CAPN2: variants seen among roughly 807,000 people sequenced by gnomAD.
CAPN2 encodes calpain 2.
A neutral mutation model predicts 102.3 loss-of-function variants in CAPN2; 92 were observed. The observed-to-expected ratio is 0.90, with a 90% CI of 0.76 to 1.07. The LOEUF is 1.07. CAPN2 is among the 50% of genes least tolerant of loss of function. CAPN2 has a pLI of 0.00. For missense variants in CAPN2, 800 were observed against 909.4 expected, an observed-to-expected ratio of 0.88 and a Z score of 1.55; for synonymous variants, 340 against 355.4, an observed-to-expected ratio of 0.96 and a Z score of 0.49.
Position 223,751,007 on chromosome 1 carries a change from CG to C in CAPN2, c.899+37del, listed in dbSNP as rs1241509213. ...AGGGCGCAGGCCTCGGGGCCCCAGG[CG>C]GGGGTGCATTGTGCTGGGAGGCTCT... On this transcript the variant is annotated intron_variant, in intron 7 of 20. Coordinates refer to ENST00000295006, the MANE Select transcript of CAPN2 (RefSeq NM_001748.5). The C allele has an allele frequency of 3.3e-6, 5 of 1,513,788 alleles. No homozygotes were observed. In the East Asian group the frequency reaches 1.2e-4, roughly 37 times the overall value. 93.8% of individuals were successfully genotyped at this position (1,513,788 alleles called of 1,614,324 possible).
upstream of CAPN2, among the ~76,000 whole-genome samples, chr1:223,710,048 G>A (rs1659697679): frequency 6.6e-6 from 1 of 152,136 alleles, no homozygotes; most frequent in South Asian, 2.1e-4. Context: ...GCTGAGGCAG[G>A]CGGATCACCT....
Position 223,725,639 on chromosome 1 carries a change from A to C in CAPN2, c.307+7808A>C, listed in dbSNP as rs760684919. ...TAGCACTTGACATTGGCGGCCACCT[A>C]AGTTTTGGAGAGGGGTATGACAGAG... On this transcript the variant is annotated intron_variant, in intron 2 of 20. Coordinates refer to ENST00000295006, the MANE Select transcript of CAPN2 (RefSeq NM_001748.5). The surrounding 1 kb of genome is among the most constrained non-coding windows in gnomAD (Gnocchi z 4.1). Among the ~76,000 whole-genome samples, 2 of 152,086 alleles carry C rather than the reference A, an allele frequency of 1.3e-5. No individual in the cohort carries two copies. The highest frequency in any genetic ancestry group is 2.9e-5 in the Non-Finnish European group (2 of 68,008).
At chr1:223,741,141 T>A (rs1162202827) in intron 2 of CAPN2, among the ~76,000 whole-genome samples, 1 of 152,098 alleles carries the variant, frequency 6.6e-6, no homozygotes, top group Non-Finnish European at 1.5e-5. Context: ...AGCCTTTGTG[T>A]AATCATTGTG....
chr1:223,719,402 G>C (rs1042577964), intron 2 of CAPN2, among the ~76,000 whole-genome samples: 2 of 152,096 alleles, frequency 1.3e-5, no homozygotes, highest in Admixed American at 6.6e-5. Flanking sequence ...AGCTGGACGT[G>C]GTGGTGGGTG....
intron 1 of CAPN2, among the ~76,000 whole-genome samples, chr1:223,707,276 ATCTC>A (rs1366943851): frequency 6.8e-6 from 1 of 146,190 alleles, no homozygotes; most frequent in African/African-American, 2.5e-5. Flanking sequence ...CTCTCTTTCT[ATCTC>A]TCTCTCTCAC....
rs1193898287 is a variant in CAPN2 at position 223,705,745 on chromosome 1, A to G, written c.3+3914A>G. 4.6e-5 allele frequency among the ~76,000 whole-genome samples: 7 copies of G among 152,294 alleles called. No individual in the cohort carries two copies. In the East Asian group the frequency reaches 1.4e-3, roughly 29 times the overall value. On this transcript the variant is annotated intron_variant, in intron 1 of 20. Transcript: ENST00000433674. ...TGTTCCCTACAACAGGAAGCGTGAA[A>G]ACAGGATTTGCTGCCACATGTCAAG...
At position 223,756,993 on chromosome 1, in the gene CAPN2, A is replaced by G. The variant is rs1173738920; in HGVS notation, c.1306-376A>G. Among the ~76,000 whole-genome samples, 1 of 152,200 alleles carries G rather than the reference A, an allele frequency of 6.6e-6. No individual in the cohort carries two copies. Among genetic ancestry groups the G allele is most frequent in the Admixed American group, 6.5e-5 (1 of 15,282 alleles). On this transcript the variant is annotated intron_variant, in intron 10 of 20. Transcript: ENST00000295006. The surrounding 1 kb of genome is among the most constrained non-coding windows in gnomAD (Gnocchi z 4.1). ...GACCGGACCACTGGACCTGGCTGAC[A>G]GAGGCCGGCACTGCTGGCTCCTAGC...
intron 2 of CAPN2, among the ~76,000 whole-genome samples, chr1:223,723,279 T>C (rs1660103609): frequency 6.6e-6 from 1 of 152,164 alleles, no homozygotes; most frequent in Non-Finnish European, 1.5e-5. Flanking sequence ...TCCAGCCTGG[T>C]TCTGGAGCCA....
upstream of CAPN2, among the ~76,000 whole-genome samples, chr1:223,711,214 G>C (rs1284637254): frequency 6.6e-6 from 1 of 152,176 alleles, no homozygotes; most frequent in African/African-American, 2.4e-5. Flanking sequence ...CCCCAGTTGA[G>C]AACCACTGCT....
At chr1:223,732,069 G>A (rs1328520212) in intron 2 of CAPN2, among the ~76,000 whole-genome samples, 1 of 152,216 alleles carries the variant, frequency 6.6e-6, no homozygotes, top group Non-Finnish European at 1.5e-5. Flanking sequence ...GAGTTGTAAG[G>A]AGATAGGTGT....
chr1:223,766,403 C>A lies in CAPN2; in HGVS notation c.1727C>A (p.Thr576Lys). The A allele has an allele frequency of 6.2e-7, 1 of 1,613,822 alleles. No homozygotes were observed. Among genetic ancestry groups the A allele is most frequent in the South Asian group, 1.1e-5 (1 of 91,072 alleles). The change falls in exon 16 of 21, where the codon ACA becomes AAA. Residue 576 changes from threonine to lysine, a missense_variant. Thr to Lys is a moderately conservative substitution (Grantham distance 78). Coordinates refer to ENST00000295006, the MANE Select transcript of CAPN2 (RefSeq NM_001748.5). Reference protein sequence around the residue: ...DIKSDGFSIETCKIMVDMLDS... With the variant: ...DIKSDGFSIEKCKIMVDMLDS... ...AAGTCAGATGGCTTCAGCATCGAGA[C>A]ATGCAAAATTATGGTTGACATGCTA...
At chr1:223,766,497 C>A in intron 16 of CAPN2, 66 bp downstream of exon 16, 1 of 1,226,464 alleles carries the variant, frequency 8.2e-7, no homozygotes, top group South Asian at 1.2e-5. Flanking sequence ...CAGAAAGATT[C>A]AAACACATGG....
intron 2 of CAPN2, among the ~76,000 whole-genome samples, chr1:223,742,382 G>A (rs1660638561): frequency 6.6e-6 from 1 of 151,358 alleles, no homozygotes; most frequent in Non-Finnish European, 1.5e-5. Context: ...ACAAGAGCGA[G>A]ACTGTCTCAA....
intron 2 of CAPN2, among the ~76,000 whole-genome samples, chr1:223,733,604 G>T (rs1306200708): frequency 1.3e-5 from 2 of 152,196 alleles, no homozygotes; most frequent in African/African-American, 4.8e-5. Context: ...CTCTCCGTGG[G>T]TCCCCAAGAA....
At chr1:223,717,741 C>T in intron 1 of CAPN2, 21 bp from the exon 2 acceptor site, 1 of 1,611,228 alleles carries the variant, frequency 6.2e-7, no homozygotes, top group Non-Finnish European at 8.5e-7. Context: ...GCTAACAGCA[C>T]TTTGTGGGTC....
upstream of CAPN2, among the ~76,000 whole-genome samples, chr1:223,708,794 G>A (rs537389986): frequency 4.0e-5 from 6 of 148,800 alleles, no homozygotes; most frequent in East Asian, 1.2e-3. Flanking sequence ...GAGAGAGAGA[G>A]AGAAAGAGAG....
At chr1:223,711,852 C>A (rs1659736593), upstream of CAPN2, among the ~76,000 whole-genome samples, 3 of 152,202 alleles carry the variant, frequency 2.0e-5, no homozygotes, top group Admixed American at 2.0e-4. Flanking sequence ...TGCCTCCGGC[C>A]TCCCAAAGTG....
intron 17 of CAPN2, 63 bp downstream of exon 17, chr1:223,769,972 T>C: frequency 1.6e-6 from 2 of 1,240,602 alleles, no homozygotes; most frequent in Non-Finnish European, 2.3e-6. Flanking sequence ...TGCTTTAAGA[T>C]GCAGCAACTC....
rs1451345614 is a variant in CAPN2, at chr1:223,754,470, A to T, written c.1136-1010A>T. ...CAACAACTCTATTGCTATAACCCAA[A>T]GGCAGCCATACTTAAGCGAATGGCC... On this transcript the variant is annotated intron_variant, in intron 9 of 20. Transcript: ENST00000295006. This position sits in a 1 kb window ranked among gnomAD's most constrained non-coding sequence, Gnocchi z 4.7. Among the ~76,000 whole-genome samples, 1 of 152,250 alleles carries T rather than the reference A, an allele frequency of 6.6e-6. No individual in the cohort carries two copies. Among genetic ancestry groups the T allele is most frequent in the Non-Finnish European group, 1.5e-5 (1 of 68,046 alleles).
Sources: gnomAD v4.1 joint callset for allele counts (sites outside exome capture counted in the v4.1 genomes callset) on GRCh38, gnomAD v4.1.1 for gene constraint, Gnocchi (gnomAD v3.1) non-coding constraint, MANE v1.5 for transcripts, NCBI Gene and HGNC (gene_info 2026-07-23, HGNC 2026-07-21) for gene names.